PDXDC1: variants seen among roughly 807,000 people sequenced by gnomAD.
PDXDC1 encodes pyridoxal dependent decarboxylase domain containing 1.
Under a neutral mutation model 100.1 loss-of-function variants are expected in PDXDC1, and 42 were observed. That is an observed-to-expected ratio of 0.42 (90% confidence interval 0.33 to 0.54). The LOEUF (loss-of-function observed/expected upper bound fraction) is 0.54. Ranked by LOEUF, PDXDC1 falls within the 20% of genes least tolerant of loss-of-function variation. The pLI is 0.10. For synonymous variants in PDXDC1, 260 were observed against 371.7 expected (o/e 0.70, Z 3.46); for missense variants, 636 against 979.2 (o/e 0.65, Z 4.68).
chr16:14,993,603 A>T (rs2151292287), intron 1 of PDXDC1, among the ~76,000 whole-genome samples: 1 of 152,410 alleles, frequency 6.6e-6, no homozygotes, highest in South Asian at 2.1e-4. Context: ...CAATAAACAT[A>T]CGTGTGCATG....
intron 1 of PDXDC1, among the ~76,000 whole-genome samples, chr16:14,980,001 A>G (rs1324406843): frequency 2.6e-5 from 4 of 152,414 alleles, no homozygotes; most frequent in East Asian, 3.9e-4. Context: ...CAATGTTACA[A>G]TGTGAGGGTT....
chr16:15,097,590 C>T (rs536566273), intron 16 of PDXDC1, among the ~76,000 whole-genome samples: 4 of 149,992 alleles, frequency 2.7e-5, no homozygotes, highest in African/African-American at 9.8e-5. Context: ...TGCAGTGAGC[C>T]GAGATCGCGC....
chr16:15,021,331 A>G (rs1224330457), intron 12 of PDXDC1, among the ~76,000 whole-genome samples: 1 of 152,196 alleles, frequency 6.6e-6, no homozygotes, highest in Admixed American at 6.5e-5. Flanking sequence ...GAGCCCAAAT[A>G]GCACTACTGC....
In PDXDC1 at chr16:15,006,574, T is replaced by G. The variant is rs767087349; in HGVS notation, c.570T>G (p.Leu190=). 9 of 1,567,280 alleles carry G rather than the reference T, an allele frequency of 5.7e-6. No individual in the cohort carries two copies. In the East Asian group the frequency reaches 2.1e-4, roughly 36 times the overall value. ...AAARPGLGQY[L]CNQLGLPFPC... is the part of the protein sequence containing the mutation. ...CTAGACCTGGCCTGGGCCAATACCTTTGTAATCAGGTAATGTGGTATCAGG... is the reference window on the plus strand; with the variant it reads ...CTAGACCTGGCCTGGGCCAATACCTGTGTAATCAGGTAATGTGGTATCAGG... The change falls in exon 6 of 23, where the codon CTT becomes CTG. Residue 190 remains leucine (L), a synonymous_variant. Transcript: ENST00000396410.
Position 15,086,717 on chromosome 16 carries a change from T to C in PDXDC1, c.1400-52162T>C, listed in dbSNP as rs1274087381. On this transcript the variant is annotated intron_variant, in intron 16 of 16. Coordinates refer to the PDXDC1 transcript ENST00000535621. ...TCAGCCTGATCACTTCTGTTTGCCCTGAAAAAGCGAAATCACCTCAAATGT... is the reference window on the plus strand; with the variant it reads ...TCAGCCTGATCACTTCTGTTTGCCCCGAAAAAGCGAAATCACCTCAAATGT... Among the ~76,000 whole-genome samples, 5 of 152,330 alleles carry C rather than the reference T, an allele frequency of 3.3e-5. No individual in the cohort carries two copies. The East Asian group carries it at 7.7e-4, about 23-fold the overall frequency.
At chr16:15,124,392 A>C (rs2047589147) in intron 16 of PDXDC1, among the ~76,000 whole-genome samples, 1 of 152,200 alleles carries the variant, frequency 6.6e-6, no homozygotes, top group Non-Finnish European at 1.5e-5. Context: ...AGGTTATTGT[A>C]AACAGGAAAT....
chr16:14,982,631 A>G (rs1334638529), intron 1 of PDXDC1, among the ~76,000 whole-genome samples: 1 of 152,290 alleles, frequency 6.6e-6, no homozygotes, highest in Non-Finnish European at 1.5e-5. Context: ...AAAAATACTT[A>G]CAAATGTAGA....
intron 16 of PDXDC1, chr16:15,061,644 G>C: frequency 8.4e-7 from 1 of 1,196,024 alleles, no homozygotes; most frequent in Non-Finnish European, 1.2e-6. Context: ...ACTCGCTCTA[G>C]TTCAATGCCA....
In PDXDC1 at chr16:15,032,980, G is replaced by GT. The variant is rs1567722284; in HGVS notation, c.1690+2dup. On this transcript the variant is annotated splice_donor_variant, in intron 18 of 22. Coordinates refer to ENST00000396410, the MANE Select transcript of PDXDC1 (RefSeq NM_015027.4). LOFTEE classifies it high-confidence loss of function. ...GAATCTGACCTAACCTTTAAAATAGGTAACTGCTTACTTTGTAAGTCAGCT... is the reference window on the plus strand; with the variant it reads ...GAATCTGACCTAACCTTTAAAATAGGTTAACTGCTTACTTTGTAAGTCAGCT... The GT allele has an allele frequency of 6.6e-7, 1 of 1,505,044 alleles. No homozygotes were observed. The highest frequency in any genetic ancestry group is 1.7e-5 in the Admixed American group (1 of 59,864). 93.2% of individuals were successfully genotyped at this position (1,505,044 alleles called of 1,614,324 possible). A position where few individuals can be genotyped will look rare whatever the true frequency, so the allele number is the denominator to read the frequency against.
chr16:15,135,337 G>A, intron 16 of PDXDC1: 1 of 1,538,396 alleles, frequency 6.5e-7, no homozygotes, highest in Non-Finnish European at 8.7e-7. Flanking sequence ...GGCTGAAGGT[G>A]TACTCCACGC....
At chr16:15,142,008 G>A (rs546445951), downstream of PDXDC1, among the ~76,000 whole-genome samples, 4 of 152,186 alleles carry the variant, frequency 2.6e-5, no homozygotes, top group Admixed American at 1.3e-4. Flanking sequence ...CAGAGGCCAC[G>A]GTGAACACAG....
intron 14 of PDXDC1, among the ~76,000 whole-genome samples, chr16:15,028,223 A>G (rs1038383558): frequency 1.3e-5 from 2 of 152,272 alleles, no homozygotes; most frequent in African/African-American, 4.8e-5. Context: ...TCCTACCGCA[A>G]GGGCTTAACA....
At chr16:15,086,568 A>C in intron 16 of PDXDC1, 2 of 1,479,382 alleles carry the variant, frequency 1.4e-6, no homozygotes, top group Non-Finnish European at 9.1e-7. Flanking sequence ...AAAGGTCACA[A>C]ACTTGGAAGG....
intron 16 of PDXDC1, among the ~76,000 whole-genome samples, chr16:15,102,073 C>A (rs1212924236): frequency 1.3e-5 from 2 of 152,130 alleles, no homozygotes; most frequent in Admixed American, 1.3e-4. Context: ...CTCTTGAACG[C>A]CTGACCTTGT....
chr16:14,982,770 T>A (rs2151174814), intron 1 of PDXDC1, among the ~76,000 whole-genome samples: 1 of 152,392 alleles, frequency 6.6e-6, no homozygotes, highest in African/African-American at 2.4e-5. Context: ...CAGTGGTATG[T>A]ATTATAATAG....
intron 16 of PDXDC1, among the ~76,000 whole-genome samples, chr16:15,078,976 C>T (rs1281696132): frequency 6.6e-6 from 1 of 151,928 alleles, no homozygotes; most frequent in Non-Finnish European, 1.5e-5. Flanking sequence ...CATACCCGGC[C>T]AATTTTTTGT....
At chr16:15,035,775 T>C (rs905718289) in intron 22 of PDXDC1, among the ~76,000 whole-genome samples, 1 of 152,158 alleles carries the variant, frequency 6.6e-6, no homozygotes, top group Admixed American at 6.5e-5. Flanking sequence ...ATTGTCACTG[T>C]GGTGTTTACC....
chr16:15,041,826 T>C (rs1271936459), downstream of PDXDC1: 1 of 687,996 alleles, frequency 1.5e-6, no homozygotes, highest in Non-Finnish European at 2.7e-6. Flanking sequence ...GCCTGGCCTA[T>C]GGGGCCAGAC....
chr16:15,129,200 G>A (rs1020629118), intron 16 of PDXDC1, among the ~76,000 whole-genome samples: 15 of 151,788 alleles, frequency 9.9e-5, no homozygotes, highest in African/African-American at 2.9e-4. Context: ...CAGGTGTGGT[G>A]GCTCACACCT....
Sources: gnomAD v4.1 joint callset for allele counts (sites outside exome capture counted in the v4.1 genomes callset) on GRCh38, gnomAD v4.1.1 for gene constraint, MANE v1.5 for transcripts, NCBI Gene and HGNC (gene_info 2026-07-23, HGNC 2026-07-21) for gene names.